PCDHGB7: variants seen among roughly 807,000 people sequenced by gnomAD.
PCDHGB7 encodes the protein protocadherin gamma subfamily B, 7.
PCDHGB7 carries 37 observed loss-of-function variants against 61.4 expected under a neutral mutation model. That is an observed-to-expected ratio of 0.60 (90% CI 0.46 to 0.79). PCDHGB7 has a LOEUF of 0.79. Ranked by LOEUF, PCDHGB7 falls within the 30% of genes least tolerant of loss-of-function variation. The pLI is 0.00. For synonymous variants in PCDHGB7, 464 were observed against 503.5 expected, an observed-to-expected ratio of 0.92 and a Z score of 1.05; for missense variants, 1,166 against 1,202.5, an observed-to-expected ratio of 0.97 and a Z score of 0.45.
intron 1 of PCDHGB7, chr5:141,426,778 C>A (rs780981970): frequency 2.2e-6 from 1 of 456,716 alleles, no homozygotes; most frequent in South Asian, 1.5e-5. Context: ...GGGCCTCACT[C>A]TCTCCAGAGT....
chr5:141,451,812 C>G (rs974567828), intron 1 of PCDHGB7, among the ~76,000 whole-genome samples: 1 of 149,686 alleles, frequency 6.7e-6, no homozygotes, highest in Non-Finnish European at 1.5e-5. Flanking sequence ...ACCCAGGAGG[C>G]GGAGGTTACA....
In PCDHGB7 at chr5:141,418,134, G is replaced by A. The variant is rs367774534; in HGVS notation, c.275G>A (p.Arg92His). ...GDLLVKDRID[R>H]EQICKERRRC... is the part of the protein sequence containing the mutation. ...TTACTTGTGAAGGACCGAATAGACC[G>A]TGAGCAAATATGCAAAGAGAGAAGA... The change falls in exon 1 of 4, where the codon CGT (arginine) becomes CAT (histidine). Residue 92 changes from arginine to histidine, a missense_variant. By Grantham distance (29) the Arg-to-His change is conservative. Transcript: ENST00000398594. The A allele has an allele frequency of 3.1e-6, 5 of 1,613,970 alleles. No individual in the cohort carries two copies. In the African/African-American group the frequency reaches 4.0e-5, roughly 13 times the overall value.
In PCDHGB7 at chr5:141,477,967, C is replaced by A; in HGVS notation, c.2416-16840C>A. The A allele has an allele frequency of 6.2e-7, 1 of 1,614,150 alleles. No individual in the cohort carries two copies. Among genetic ancestry groups the A allele is most frequent in the Non-Finnish European group, 8.5e-7 (1 of 1,180,032 alleles). On this transcript the variant is annotated intron_variant, in intron 1 of 3. Transcript: ENST00000398594. The surrounding 1 kb of genome is among the most constrained non-coding windows in gnomAD (Gnocchi z 4.9). ...GTCTCTTGGGATCCCCTAACCAGAG[C>A]CTTTTTGCCATAGGGCTGCACACTG...
Position 141,490,177 on chromosome 5 carries a change from T to C in PCDHGB7, c.2416-4630T>C, listed in dbSNP as rs780298274. 12 of 1,613,622 alleles carry C rather than the reference T, an allele frequency of 7.4e-6. No individual in the cohort carries two copies. The highest frequency in any genetic ancestry group is 1.0e-5 in the Non-Finnish European group (12 of 1,179,932). On this transcript the variant is annotated intron_variant, in intron 1 of 3. Transcript: ENST00000398594. This position sits in a 1 kb window ranked among gnomAD's most constrained non-coding sequence, Gnocchi z 5.4. The stretch of plus-strand genomic sequence containing the variant: ...GTTGGGTCCCATAGACTTTGAGGAG[T>C]CACGTTTCTATGAAATTCATGCAAG...
chr5:141,451,326 G>T (rs189445228), intron 1 of PCDHGB7, among the ~76,000 whole-genome samples: 3 of 152,278 alleles, frequency 2.0e-5, no homozygotes, highest in Admixed American at 2.0e-4. Context: ...GTCACCTAAG[G>T]CTATTGTCTT....
chr5:141,456,335 G>A (rs2098850730), intron 1 of PCDHGB7, among the ~76,000 whole-genome samples: 1 of 152,114 alleles, frequency 6.6e-6, no homozygotes. Flanking sequence ...TTGATCTAAG[G>A]GTCCTCGGAA....
chr5:141,490,257 T>C lies in PCDHGB7; in HGVS notation c.2416-4550T>C, dbSNP rs2099697852. On this transcript the variant is annotated intron_variant, in intron 1 of 3. Coordinates refer to ENST00000398594, the MANE Select transcript of PCDHGB7 (RefSeq NM_018927.4). The surrounding 1 kb of genome is among the most constrained non-coding windows in gnomAD (Gnocchi z 5.4). ...AGGGCCACTGTGTGATTCAAGTGGATGTGGGGGATGTCAATGACAATGCCC... is the reference window on the plus strand; with the variant it reads ...AGGGCCACTGTGTGATTCAAGTGGACGTGGGGGATGTCAATGACAATGCCC... The C allele has an allele frequency of 6.2e-7, 1 of 1,614,208 alleles. No individual in the cohort carries two copies. Among genetic ancestry groups the C allele is most frequent in the South Asian group, 1.1e-5 (1 of 91,078 alleles).
chr5:141,499,616 C>T (rs538268323), intron 2 of PCDHGB7, among the ~76,000 whole-genome samples: 2 of 152,058 alleles, frequency 1.3e-5, no homozygotes, highest in South Asian at 4.2e-4. Context: ...CTTATCCTGT[C>T]CTTGGATTCT....
In PCDHGB7 at chr5:141,490,507, G is replaced by C; in HGVS notation, c.2416-4300G>C. 1 of 1,614,016 alleles carries C rather than the reference G, an allele frequency of 6.2e-7. No individual in the cohort carries two copies. Among genetic ancestry groups the C allele is most frequent in the Non-Finnish European group, 8.5e-7 (1 of 1,180,002 alleles). On this transcript the variant is annotated intron_variant, in intron 1 of 3. Transcript: ENST00000398594. The surrounding 1 kb of genome is among the most constrained non-coding windows in gnomAD (Gnocchi z 5.4). ...GGAGGCCACATCCCACTATATCATCGAGCTGCTGGCCAGCGATGCTGGTTC... is the reference window on the plus strand; with the variant it reads ...GGAGGCCACATCCCACTATATCATCCAGCTGCTGGCCAGCGATGCTGGTTC...
At position 141,419,569 on chromosome 5, in the gene PCDHGB7, C is replaced by T. The variant is rs1200109635; in HGVS notation, c.1710C>T (p.Asp570=). The change falls in exon 1 of 4, where the codon GAC becomes GAT. Residue 570 remains aspartate (D), a synonymous_variant. Transcript: ENST00000398594. ...PRVLYPALGP[D]GSALFDTVPR... The stretch of plus-strand genomic sequence containing the variant: ...TGCTGTACCCTGCGCTGGGTCCCGA[C>T]GGCTCCGCGCTCTTCGACACAGTGC... 1.9e-6 allele frequency: 3 copies of T among 1,611,654 alleles called. No homozygotes were observed. Among genetic ancestry groups the T allele is most frequent in the East Asian group, 2.2e-5 (1 of 44,862 alleles).
intron 1 of PCDHGB7, chr5:141,441,621 G>C (rs2098260273): frequency 9.0e-6 from 2 of 223,292 alleles, no homozygotes; most frequent in Non-Finnish European, 1.8e-5. Flanking sequence ...CGTGGCCAGT[G>C]ACCTGGAGCC....
At chr5:141,446,447 A>G (rs2098502204) in intron 1 of PCDHGB7, among the ~76,000 whole-genome samples, 1 of 151,946 alleles carries the variant, frequency 6.6e-6, no homozygotes, top group Non-Finnish European at 1.5e-5. Context: ...AACAGTGCAG[A>G]TATTCAGTGT....
At position 141,485,727 on chromosome 5, in the gene PCDHGB7, G is replaced by T. The variant is rs773176318; in HGVS notation, c.2416-9080G>T. The T allele has an allele frequency of 3.1e-6, 5 of 1,614,196 alleles. No homozygotes were observed. In the Admixed American group the frequency reaches 5.0e-5, roughly 16 times the overall value. Reference sequence around the variant, plus strand: ...CACTTTGCACTGGATGTGAAGAAGCGCAGCGACGGCAGCCTGGTCCCAGAG... The same window carrying T: ...CACTTTGCACTGGATGTGAAGAAGCTCAGCGACGGCAGCCTGGTCCCAGAG... On this transcript the variant is annotated intron_variant, in intron 1 of 3. Transcript: ENST00000398594. The surrounding 1 kb of genome is among the most constrained non-coding windows in gnomAD (Gnocchi z 5.7).
At chr5:141,433,353 G>C (rs2097584366) in intron 1 of PCDHGB7, 4 of 603,272 alleles carry the variant, frequency 6.6e-6, no homozygotes, top group South Asian at 6.2e-5. Context: ...GCCACCTACT[G>C]TCTGCCTATC....
chr5:141,499,682 C>T, intron 2 of PCDHGB7, among the ~76,000 whole-genome samples: 1 of 148,196 alleles, frequency 6.7e-6, no homozygotes, highest in South Asian at 2.1e-4. Flanking sequence ...CCATCTTTAA[C>T]AGATGACTTT....
At chr5:141,504,017 T>G (rs1186684262) in intron 2 of PCDHGB7, among the ~76,000 whole-genome samples, 1 of 152,150 alleles carries the variant, frequency 6.6e-6, no homozygotes, top group Non-Finnish European at 1.5e-5. Context: ...TCTCTGCTGG[T>G]CTCTTCCCAC....
rs1446853595 is a variant in PCDHGB7, at chr5:141,491,363, C to T, written c.2416-3444C>T. ...ACCGTCAGTCTCTTATCCCTAGTCA[C>T]CTTCACCTTTCTGTCAGCGAAGTGC... On this transcript the variant is annotated intron_variant, in intron 1 of 3. Coordinates refer to ENST00000398594, the MANE Select transcript of PCDHGB7 (RefSeq NM_018927.4). This position sits in a 1 kb window ranked among gnomAD's most constrained non-coding sequence, Gnocchi z 6.9. The T allele has an allele frequency of 6.2e-7, 1 of 1,614,182 alleles. No individual in the cohort carries two copies. Among genetic ancestry groups the T allele is most frequent in the South Asian group, 1.1e-5 (1 of 91,082 alleles).
chr5:141,455,738 A>G (rs896060095), intron 1 of PCDHGB7, among the ~76,000 whole-genome samples: 2 of 152,140 alleles, frequency 1.3e-5, no homozygotes, highest in Non-Finnish European at 2.9e-5. Flanking sequence ...TTGCATATCA[A>G]AGGTTGCTGG....
At chr5:141,433,818 C>A (rs1286718725) in intron 1 of PCDHGB7, among the ~76,000 whole-genome samples, 7 of 133,614 alleles carry the variant, frequency 5.2e-5, no homozygotes, top group African/African-American at 5.8e-5. Flanking sequence ...GCCTGGGCAA[C>A]AAGAGTGAAA....
Sources: gnomAD v4.1 joint callset for allele counts (sites outside exome capture counted in the v4.1 genomes callset) on GRCh38, gnomAD v4.1.1 for gene constraint, Gnocchi (gnomAD v3.1) non-coding constraint, MANE v1.5 for transcripts, NCBI Gene and HGNC (gene_info 2026-07-23, HGNC 2026-07-21) for gene names.